Variants in MLLT10 observed in about 807,000 individuals in gnomAD.
The protein encoded by MLLT10 is MLLT10 histone lysine methyltransferase DOT1L cofactor.
A neutral mutation model predicts 129.1 loss-of-function variants in MLLT10; 30 were observed. The observed-to-expected ratio is 0.23, with a 90% CI of 0.17 to 0.32. The LOEUF (loss-of-function observed/expected upper bound fraction) is 0.32. MLLT10 is among the 10% of genes least tolerant of loss of function. The pLI, the probability that MLLT10 is intolerant of heterozygous loss-of-function variation, is 1.00. For synonymous variants in MLLT10, 490 were observed against 446.4 expected (o/e 1.10, Z -1.23); for missense variants, 1,119 against 1,268.3 (o/e 0.88, Z 1.79).
chr10:21,676,948 T>C (rs909920569), intron 11 of MLLT10, among the ~76,000 whole-genome samples: 4 of 152,200 alleles, frequency 2.6e-5, no homozygotes, highest in African/African-American at 9.6e-5. Context: ...GCTGCTTTAA[T>C]CATAGTAAGT....
intron 3 of MLLT10, chr10:21,552,016 T>G: frequency 4.1e-6 from 1 of 246,026 alleles, no homozygotes; most frequent in South Asian, 3.9e-5. Context: ...GGTCTCGAGC[T>G]TCTGACCTCA....
intron 3 of MLLT10, chr10:21,556,813 C>T (rs768517201): frequency 2.0e-5 from 31 of 1,566,612 alleles, no homozygotes; most frequent in Non-Finnish European, 2.5e-5. Flanking sequence ...CAGCAGCTTT[C>T]TTCGGTCCTC....
intron 3 of MLLT10, among the ~76,000 whole-genome samples, chr10:21,560,434 CTGT>C (rs1400556421): frequency 2.6e-5 from 4 of 152,258 alleles, no homozygotes; most frequent in African/African-American, 4.8e-5. Context: ...TTCTTATTTT[CTGT>C]TGTTCTTACT....
chr10:21,546,522 A>G (rs2036101606), intron 3 of MLLT10, among the ~76,000 whole-genome samples: 1 of 150,368 alleles, frequency 6.7e-6, no homozygotes, highest in East Asian at 2.0e-4. Context: ...CTCCTGCCTC[A>G]GCCTCCCGAG....
intron 13 of MLLT10, among the ~76,000 whole-genome samples, chr10:21,705,049 C>G (rs892006721): frequency 6.6e-6 from 1 of 152,152 alleles, no homozygotes. Flanking sequence ...GAGGCCCATA[C>G]TTCCTCAGAT....
intron 13 of MLLT10, among the ~76,000 whole-genome samples, chr10:21,696,982 T>A (rs965263340): frequency 6.6e-6 from 1 of 151,732 alleles, no homozygotes; most frequent in African/African-American, 2.4e-5. Context: ...CCTGTGAGAC[T>A]CTACATGAGT....
chr10:21,661,748 C>CT (rs1450783877), intron 9 of MLLT10: 2 of 152,224 alleles, frequency 1.3e-5, no homozygotes, highest in South Asian at 4.1e-4. Flanking sequence ...GCACGATTTC[C>CT]TTTAAACTCT....
intron 11 of MLLT10, among the ~76,000 whole-genome samples, chr10:21,679,593 A>G (rs1237782795): frequency 2.0e-5 from 3 of 152,170 alleles, no homozygotes; most frequent in Non-Finnish European, 4.4e-5. Context: ...GGTTCCAGTA[A>G]TGGAACACGA....
At chr10:21,588,363 G>A (rs1293618487) in intron 4 of MLLT10, among the ~76,000 whole-genome samples, 1 of 151,978 alleles carries the variant, frequency 6.6e-6, no homozygotes. Context: ...CACTGCACCC[G>A]GCATGAACAG....
At chr10:21,677,331 A>G (rs182816242) in intron 11 of MLLT10, among the ~76,000 whole-genome samples, 253 of 152,348 alleles carry the variant, frequency 1.7e-3, no homozygotes, top group Middle Eastern at 0.01. Flanking sequence ...TTGTGACAAC[A>G]AGAAGCTTCC....
At chr10:21,659,696 A>T (rs1274881448) in intron 9 of MLLT10, among the ~76,000 whole-genome samples, 1 of 151,822 alleles carries the variant, frequency 6.6e-6, no homozygotes, top group East Asian at 1.9e-4. Context: ...TTTTTAGTAG[A>T]GATAAGGTTT....
At chr10:21,564,258 A>G (rs2039253436) in intron 3 of MLLT10, among the ~76,000 whole-genome samples, 1 of 152,066 alleles carries the variant, frequency 6.6e-6, no homozygotes, top group Non-Finnish European at 1.5e-5. Context: ...CATTGTTTTT[A>G]AAAATGTATT....
At chr10:21,706,069 A>C (rs908511419) in intron 13 of MLLT10, among the ~76,000 whole-genome samples, 2 of 152,098 alleles carry the variant, frequency 1.3e-5, no homozygotes, top group African/African-American at 4.8e-5. Flanking sequence ...ATTGGTTGTT[A>C]GTTTTTTGTT....
Position 21,735,345 on chromosome 10 carries a change from TC to T in MLLT10, c.2955+111del, listed in dbSNP as rs2058274928. On this transcript the variant is annotated intron_variant, in intron 21 of 22. Transcript: ENST00000307729. ...TGAAATAACATTATTGAATGCATAATCAAAAAAGTTTTTCTTGCCATGTGGT... is the reference window on the plus strand; with the variant it reads ...TGAAATAACATTATTGAATGCATAATAAAAAAGTTTTTCTTGCCATGTGGT... The T allele has an allele frequency of 2.1e-5, 20 of 952,670 alleles. No individual in the cohort carries two copies. The South Asian group carries it at 3.1e-4, about 15-fold the overall frequency. The allele number at this position is 952,670 out of a possible 1,614,324, so 59.0% of individuals were successfully genotyped here.
intron 13 of MLLT10, among the ~76,000 whole-genome samples, chr10:21,710,017 C>G (rs1171906020): frequency 1.3e-5 from 2 of 152,230 alleles, no homozygotes; most frequent in Non-Finnish European, 2.9e-5. Flanking sequence ...GCTGGGATTA[C>G]AAGCATGAGC....
chr10:21,738,491 T>C (rs2058565364), intron 21 of MLLT10: 1 of 1,288,596 alleles, frequency 7.8e-7, no homozygotes, highest in Non-Finnish European at 1.0e-6. Context: ...TAAAGGACTG[T>C]ACTTTTTCCT....
At chr10:21,692,001 CAA>C (rs929971187) in intron 13 of MLLT10, among the ~76,000 whole-genome samples, 29 of 50,162 alleles carry the variant, frequency 5.8e-4, no homozygotes, top group African/African-American at 2.3e-3. Context: ...CTCATATCTA[CAA>C]AAAAAAAAAA....
chr10:21,689,663 T>TATATATATA (rs1351475704), intron 13 of MLLT10, among the ~76,000 whole-genome samples: 2 of 139,714 alleles, frequency 1.4e-5, no homozygotes, highest in African/African-American at 5.4e-5. Flanking sequence ...ATATATATAT[T>TATATATATA]TTTTTTTTCT....
At chr10:21,597,606 A>C (rs2043140593) in intron 5 of MLLT10, among the ~76,000 whole-genome samples, 1 of 152,190 alleles carries the variant, frequency 6.6e-6, no homozygotes, top group African/African-American at 2.4e-5. Flanking sequence ...TCCTGGCCTC[A>C]AGTGATCTGC....
Sources: allele counts gnomAD v4.1 joint callset (sites outside exome capture counted in the v4.1 genomes callset), GRCh38; gene constraint gnomAD v4.1.1; transcripts MANE v1.5; gene names NCBI Gene and HGNC (gene_info 2026-07-23, HGNC 2026-07-21).